CSMD1: variants seen among roughly 807,000 people sequenced by gnomAD.
CSMD1 encodes the protein CUB and Sushi multiple domains 1, also known as CUB and sushi domain-containing protein 1.
CSMD1 carries 213 observed loss-of-function variants against 417.5 expected under a neutral mutation model. That is an observed-to-expected ratio of 0.51 (90% CI 0.46 to 0.57). The LOEUF (loss-of-function observed/expected upper bound fraction) is 0.57. Ranked by LOEUF, CSMD1 falls within the 20% of genes least tolerant of loss-of-function variation. The pLI is 0.00. For missense variants in CSMD1, 6,923 were observed against 4,529.7 expected (o/e 1.53, Z -15.17); for synonymous variants, 2,862 against 1,736.8 (o/e 1.65, Z -16.11).
At chr8:3,377,263 C>T (rs1307606713) in intron 18 of CSMD1, among the ~76,000 whole-genome samples, 3 of 152,302 alleles carry the variant, frequency 2.0e-5, no homozygotes, top group South Asian at 4.1e-4. Flanking sequence ...CTATCTACCT[C>T]AGCCTCCCAA....
chr8:3,559,879 T>C (rs898828750), intron 10 of CSMD1, among the ~76,000 whole-genome samples: 1 of 152,062 alleles, frequency 6.6e-6, no homozygotes, highest in South Asian at 2.1e-4. Context: ...ACAGTGAGAA[T>C]GGAAGAGGGG....
intron 3 of CSMD1, among the ~76,000 whole-genome samples, chr8:4,337,090 A>C (rs546340362): frequency 6.6e-6 from 1 of 152,240 alleles, no homozygotes; most frequent in South Asian, 2.1e-4. Context: ...GAGGGTTGCC[A>C]ACGTTGCGGC....
At chr8:4,920,435 G>T (rs889566009) in intron 1 of CSMD1, among the ~76,000 whole-genome samples, 1 of 152,152 alleles carries the variant, frequency 6.6e-6, no homozygotes, top group Non-Finnish European at 1.5e-5. Flanking sequence ...TCCGTTTAAT[G>T]ACATTAGTTT....
intron 1 of CSMD1, among the ~76,000 whole-genome samples, chr8:4,845,471 A>G (rs1230976483): frequency 1.3e-5 from 2 of 152,216 alleles, no homozygotes; most frequent in Non-Finnish European, 2.9e-5. Flanking sequence ...CAATCAGCAA[A>G]ACATCTGAAC....
chr8:4,219,914 A>T (rs1401758243), intron 3 of CSMD1, among the ~76,000 whole-genome samples: 1 of 152,186 alleles, frequency 6.6e-6, no homozygotes, highest in Non-Finnish European at 1.5e-5. Context: ...TTGTAATATG[A>T]TGGAGAGAAT....
At chr8:4,598,390 G>T (rs1179288860) in intron 2 of CSMD1, among the ~76,000 whole-genome samples, 1 of 152,170 alleles carries the variant, frequency 6.6e-6, no homozygotes, top group Non-Finnish European at 1.5e-5. Context: ...TCTAACAGGT[G>T]GATGCAGCTC....
At chr8:4,538,909 A>C (rs755282524) in intron 2 of CSMD1, among the ~76,000 whole-genome samples, 7 of 152,304 alleles carry the variant, frequency 4.6e-5, no homozygotes, top group Non-Finnish European at 8.8e-5. Flanking sequence ...GGAATCTTTG[A>C]ATCTAAAAGC....
chr8:4,263,729 C>G (rs1226081371), intron 3 of CSMD1, among the ~76,000 whole-genome samples: 1 of 152,100 alleles, frequency 6.6e-6, no homozygotes. Context: ...TAATAAAATG[C>G]TGGATTTTTA....
chr8:3,752,150 G>C (rs548001928), intron 6 of CSMD1, among the ~76,000 whole-genome samples: 1 of 152,270 alleles, frequency 6.6e-6, no homozygotes, highest in East Asian at 1.9e-4. Flanking sequence ...TACAGCCACA[G>C]TATATGGCAG....
intron 3 of CSMD1, among the ~76,000 whole-genome samples, chr8:4,128,812 T>C (rs151304032): frequency 6.6e-6 from 1 of 152,120 alleles, no homozygotes; most frequent in Non-Finnish European, 1.5e-5. Context: ...CTAGTGCAAG[T>C]AGGGTAAGTT....
chr8:3,819,126 T>G lies in CSMD1; in HGVS notation c.819-65084A>C, dbSNP rs2720742. Among the ~76,000 whole-genome samples the G allele has an allele frequency of 2.0e-3, 306 of 152,250 alleles. 1 individual carries two copies. Among genetic ancestry groups the G allele is most frequent in the African/African-American group, 7.1e-3 (295 of 41,548 alleles). On this transcript the variant is annotated intron_variant, in intron 5 of 69. Transcript: ENST00000635120. ...GTGTAGGAGGAGATGGGGGAAAGAT[T>G]TGCTGGTCTAGCAGGCGGAAAGGAA...
At chr8:3,772,235 TTATA>T (rs1452179958) in intron 5 of CSMD1, among the ~76,000 whole-genome samples, 5 of 131,080 alleles carry the variant, frequency 3.8e-5, no homozygotes, top group South Asian at 2.6e-4. Context: ...ACACACATAT[TTATA>T]TATAGATATA....
Position 4,166,599 on chromosome 8 carries a change from T to G in CSMD1, c.416-134500A>C, listed in dbSNP as rs185390406. ...GAATGATATAATGGACTTTGGGGAC[T>G]CACGGTGAACTGTAGGATGGGAGCA... On this transcript the variant is annotated intron_variant, in intron 3 of 69. Transcript: ENST00000635120. Among the ~76,000 whole-genome samples the G allele has an allele frequency of 6.7e-3, 1,014 of 152,258 alleles. 6 individuals are homozygous for G. The highest frequency in any genetic ancestry group is 1.0e-2 in the Non-Finnish European group (678 of 68,018).
intron 8 of CSMD1, among the ~76,000 whole-genome samples, chr8:3,614,444 G>A (rs1461990945): frequency 6.6e-6 from 1 of 152,064 alleles, no homozygotes; most frequent in Non-Finnish European, 1.5e-5. Flanking sequence ...GAATGAAATG[G>A]AGTAAAGATT....
rs771764973 is a variant in CSMD1, at chr8:4,791,119, G to A, written c.86-153561C>T. 8.5e-5 allele frequency among the ~76,000 whole-genome samples: 13 copies of A among 152,076 alleles called. 1 individual carries two copies. Among genetic ancestry groups the A allele is most frequent in the South Asian group, 8.3e-4 (4 of 4,826 alleles). Reference sequence around the variant, plus strand: ...GTGAGAAGAGACGGGGAGAAGAGACGGGGAGGGAGAAACTTTTAAGTGAGA... The same window carrying A: ...GTGAGAAGAGACGGGGAGAAGAGACAGGGAGGGAGAAACTTTTAAGTGAGA... On this transcript the variant is annotated intron_variant, in intron 1 of 69. Coordinates refer to ENST00000635120, the MANE Select transcript of CSMD1 (RefSeq NM_033225.6).
chr8:4,751,123 G>T (rs1034542121), intron 1 of CSMD1, among the ~76,000 whole-genome samples: 1 of 152,190 alleles, frequency 6.6e-6, no homozygotes, highest in African/African-American at 2.4e-5. Context: ...AGTGGCTCAG[G>T]CCTGTAATCC....
At position 4,231,242 on chromosome 8, in the gene CSMD1, G is replaced by A. The variant is rs151057362; in HGVS notation, c.415+188711C>T. Among the ~76,000 whole-genome samples the A allele has an allele frequency of 1.4e-3, 219 of 152,240 alleles. 1 individual carries two copies. The highest frequency in any genetic ancestry group is 0.013 in the East Asian group (66 of 5,184). ...CTTATCCCTCTTTGAGGTTACTGCC[G>A]CCATCATGGAAGGAAGCCATCTGTT... On this transcript the variant is annotated intron_variant, in intron 3 of 69. Transcript: ENST00000635120.
At chr8:4,167,898 C>A (rs1047789134) in intron 3 of CSMD1, among the ~76,000 whole-genome samples, 1 of 152,038 alleles carries the variant, frequency 6.6e-6, no homozygotes. Flanking sequence ...GAGGCTGAGG[C>A]AGGCGGACTG....
chr8:4,080,139 C>G (rs1163353582), intron 3 of CSMD1, among the ~76,000 whole-genome samples: 1 of 151,930 alleles, frequency 6.6e-6, no homozygotes, highest in Non-Finnish European at 1.5e-5. Flanking sequence ...GGTACACCTG[C>G]TCAGTTTGCA....
Sources: gnomAD v4.1 joint callset for allele counts (sites outside exome capture counted in the v4.1 genomes callset) on GRCh38, gnomAD v4.1.1 for gene constraint, MANE v1.5 for transcripts, NCBI Gene and HGNC (gene_info 2026-07-23, HGNC 2026-07-21) for gene names.